The following ZNF469 variants were observed in gnomAD, a reference collection of about 807,000 sequenced individuals.
ZNF469 encodes the protein zinc finger protein 469.
In ZNF469, 1 loss-of-function variant was observed where a neutral mutation model predicts 1.0. The ratio of observed to expected loss-of-function variants is 1.00; its 90% CI spans 0.35 to 4.73. The LOEUF (loss-of-function observed/expected upper bound fraction) is 4.73. Ranked by LOEUF, ZNF469 falls within the 30% of genes most tolerant of loss-of-function variation. The pLI, the probability that ZNF469 is intolerant of heterozygous loss-of-function variation, is 0.16. For synonymous variants in ZNF469, 2,703 were observed against 2,363.4 expected, an observed-to-expected ratio of 1.14 and a Z score of -4.17; for missense variants, 6,100 against 5,356.3, an observed-to-expected ratio of 1.14 and a Z score of -4.33.
At chr16:88,375,558 C>T in the ZNF469 span, among the ~76,000 whole-genome samples, 1 of 152,272 alleles carries the variant, frequency 6.6e-6, no homozygotes, top group Admixed American at 6.5e-5. Flanking sequence ...GCCCCTGGTA[C>T]ACCCAGACAT....
the ZNF469 span, among the ~76,000 whole-genome samples, chr16:88,361,067 G>C: frequency 6.6e-6 from 1 of 152,274 alleles, no homozygotes. Context: ...TTTTCCTGCA[G>C]CTAGGTGGTC....
At chr16:88,288,018 C>T in the ZNF469 span, among the ~76,000 whole-genome samples, 3 of 152,128 alleles carry the variant, frequency 2.0e-5, no homozygotes, top group Non-Finnish European at 4.4e-5. Context: ...TTGTATAAAT[C>T]TCCTCCCAAG....
At chr16:88,406,636 C>G (rs888282651) in intron 1 of ZNF469, among the ~76,000 whole-genome samples, 11 of 152,322 alleles carry the variant, frequency 7.2e-5, no homozygotes, top group Admixed American at 3.9e-4. Context: ...GCTGACCCCA[C>G]GCGCCTGCAG....
chr16:88,378,360 G>A (rs1457107502), upstream of ZNF469, among the ~76,000 whole-genome samples: 2 of 152,200 alleles, frequency 1.3e-5, no homozygotes, highest in Admixed American at 6.5e-5. Context: ...AGAAATCCCA[G>A]GCTGGTAAAA....
At chr16:88,354,509 C>T in the ZNF469 span, among the ~76,000 whole-genome samples, 1 of 152,144 alleles carries the variant, frequency 6.6e-6, no homozygotes, top group Non-Finnish European at 1.5e-5. Context: ...TGGGGTGAGC[C>T]ACAGGAGCCG....
the ZNF469 span, among the ~76,000 whole-genome samples, chr16:88,120,151 C>G: frequency 6.6e-6 from 1 of 152,188 alleles, no homozygotes; most frequent in Non-Finnish European, 1.5e-5. Flanking sequence ...GAGCCATTCT[C>G]CAGCTTCCCG....
At chr16:88,376,487 G>C in the ZNF469 span, among the ~76,000 whole-genome samples, 2 of 152,084 alleles carry the variant, frequency 1.3e-5, no homozygotes, top group African/African-American at 4.8e-5. Context: ...GCCCAGCCCG[G>C]GTGCCTCCTC....
chr16:88,286,549 G>A, the ZNF469 span, among the ~76,000 whole-genome samples: 1 of 152,262 alleles, frequency 6.6e-6, no homozygotes, highest in Non-Finnish European at 1.5e-5. Context: ...GAGAGGACAT[G>A]GCCCCTCACC....
At chr16:88,201,888 G>A in the ZNF469 span, among the ~76,000 whole-genome samples, 13 of 152,306 alleles carry the variant, frequency 8.5e-5, no homozygotes, top group East Asian at 1.2e-3. The surrounding 1 kb of genome is among the most constrained non-coding windows in gnomAD (Gnocchi z 5.0). Context: ...ACTGTGATTC[G>A]ATAACCCACA....
At chr16:88,423,025 CTGGATGGATGGGTAGGTGGG>C (rs1261729856) in intron 1 of ZNF469, among the ~76,000 whole-genome samples, 1 of 133,756 alleles carries the variant, frequency 7.5e-6, no homozygotes, top group Non-Finnish European at 1.6e-5. Flanking sequence ...GGGTGGGTAT[CTGGATGGATGGGTAGGTGGG>C]TGGATGGATG....
chr16:88,104,406 C>T, the ZNF469 span, among the ~76,000 whole-genome samples: 1 of 152,138 alleles, frequency 6.6e-6, no homozygotes, highest in Non-Finnish European at 1.5e-5. Context: ...CAGAAGCCCC[C>T]AGCCTCTCGC....
chr16:88,248,621 A>G, the ZNF469 span, among the ~76,000 whole-genome samples: 1 of 152,250 alleles, frequency 6.6e-6, no homozygotes, highest in African/African-American at 2.4e-5. Context: ...AGAGAGGAAG[A>G]TGGGCTAGTT....
chr16:88,427,893 G>A lies in ZNF469; in HGVS notation c.423G>A (p.Gln141=). 6.5e-7 allele frequency: 1 copy of A among 1,549,816 alleles called. No homozygotes were observed. The highest frequency in any genetic ancestry group is 8.7e-7 in the Non-Finnish European group (1 of 1,146,834). ...TGGACGAGACACCAGAGAACCCACA[G>A]CTGGAGGCTGCCCAGCTCCCTGAGG... The part of the protein sequence containing the change: ...PTLDETPENP[Q]LEAAQLPEVD... The change falls in exon 3 of 3, where the codon CAG becomes CAA. Residue 141 remains glutamine, a synonymous_variant. Transcript: ENST00000565624.
the ZNF469 span, among the ~76,000 whole-genome samples, chr16:88,348,655 C>CT: frequency 1.3e-5 from 2 of 152,316 alleles, no homozygotes; most frequent in African/African-American, 4.8e-5. Flanking sequence ...AGCCCAGGCC[C>CT]TGCCCAGACC....
At chr16:88,371,246 G>A in the ZNF469 span, among the ~76,000 whole-genome samples, 1 of 152,262 alleles carries the variant, frequency 6.6e-6, no homozygotes, top group South Asian at 2.1e-4. Flanking sequence ...GAGACAGGAA[G>A]AGGAGTTAGT....
At chr16:88,161,910 T>A in the ZNF469 span, among the ~76,000 whole-genome samples, 1 of 152,230 alleles carries the variant, frequency 6.6e-6, no homozygotes, top group Non-Finnish European at 1.5e-5. Flanking sequence ...TTAAGTTGGA[T>A]ATATTTATAT....
chr16:88,178,049 C>G, the ZNF469 span: 11,355 of 152,288 alleles, frequency 0.075, 499 homozygotes, highest in Middle Eastern at 0.14. Context: ...TCTTGCAATC[C>G]GTAGCTTTGA....
the ZNF469 span, among the ~76,000 whole-genome samples, chr16:88,205,258 G>A: frequency 0.42 from 63,948 of 152,024 alleles, 15,145 homozygotes; most frequent in South Asian, 0.55. This position sits in a 1 kb window ranked among gnomAD's most constrained non-coding sequence, Gnocchi z 4.2. Flanking sequence ...CCGGCAGAAC[G>A]TTGGCTTCGT....
At chr16:88,134,206 G>A in the ZNF469 span, among the ~76,000 whole-genome samples, 11 of 152,212 alleles carry the variant, frequency 7.2e-5, no homozygotes, top group Admixed American at 2.0e-4. Context: ...GCTGCCCTTG[G>A]CATTTAGCTT....
Sources: allele counts gnomAD v4.1 joint callset (sites outside exome capture counted in the v4.1 genomes callset), GRCh38; gene constraint gnomAD v4.1.1; non-coding constraint Gnocchi (gnomAD v3.1); transcripts MANE v1.5; gene names NCBI Gene and HGNC (gene_info 2026-07-23, HGNC 2026-07-21).